GALNT18: variants seen among roughly 807,000 people sequenced by gnomAD.
GALNT18 encodes polypeptide N-acetylgalactosaminyltransferase 18, also known as GalNAc-transferase 18.
GALNT18 carries 44 observed loss-of-function variants against 69.5 expected under a neutral mutation model. That is an observed-to-expected ratio of 0.63 (90% CI 0.50 to 0.81). GALNT18 has a LOEUF of 0.81. Ranked by LOEUF, GALNT18 falls within the 40% of genes least tolerant of loss-of-function variation. The pLI, the probability that GALNT18 is intolerant of heterozygous loss-of-function variation, is 0.00. For missense variants in GALNT18, 715 were observed against 810.0 expected, an observed-to-expected ratio of 0.88 and a Z score of 1.42; for synonymous variants, 364 against 318.2, an observed-to-expected ratio of 1.14 and a Z score of -1.53.
Position 11,340,200 on chromosome 11 carries a change from G to A in GALNT18, c.1278+619C>T, listed in dbSNP as rs1381110257. Among the ~76,000 whole-genome samples the A allele has an allele frequency of 6.6e-6, 1 of 152,192 alleles. No individual in the cohort carries two copies. Among genetic ancestry groups the A allele is most frequent in the Admixed American group, 6.5e-5 (1 of 15,288 alleles). Reference sequence around the variant, plus strand: ...AGGGCTAAACAAAACTACCAGAGAAGCATTGCTTTTCCTCTGGCATTTCTT... The same window carrying A: ...AGGGCTAAACAAAACTACCAGAGAAACATTGCTTTTCCTCTGGCATTTCTT... On this transcript the variant is annotated intron_variant, in intron 7 of 10. Transcript: ENST00000227756. The surrounding 1 kb of genome is among the most constrained non-coding windows in gnomAD (Gnocchi z 4.2).
At chr11:11,434,813 A>AT (rs1855361409) in intron 2 of GALNT18, among the ~76,000 whole-genome samples, 2 of 152,290 alleles carry the variant, frequency 1.3e-5, no homozygotes, top group African/African-American at 2.4e-5. Flanking sequence ...ATCTTTTTCA[A>AT]TTTTTTGGAA....
In GALNT18 at chr11:11,382,691, C is replaced by T. The variant is rs1318741480; in HGVS notation, c.596-3427G>A. 6.6e-6 allele frequency among the ~76,000 whole-genome samples: 1 copy of T among 152,140 alleles called. No homozygotes were observed. Among genetic ancestry groups the T allele is most frequent in the Non-Finnish European group, 1.5e-5 (1 of 68,026 alleles). The stretch of plus-strand genomic sequence containing the variant: ...TTTTGCTGCCCTATCTTTGCTAAAC[C>T]TTTGATTTTCTGGTTCAAATTTAAA... On this transcript the variant is annotated intron_variant, in intron 3 of 10. Transcript: ENST00000227756. The surrounding 1 kb of genome is among the most constrained non-coding windows in gnomAD (Gnocchi z 4.3).
chr11:11,457,739 C>A (rs987805648), intron 1 of GALNT18, among the ~76,000 whole-genome samples: 1 of 152,168 alleles, frequency 6.6e-6, no homozygotes, highest in Non-Finnish European at 1.5e-5. Context: ...ACCACTGGAG[C>A]CTTCTTGTTT....
chr11:11,543,111 T>C lies in GALNT18; in HGVS notation c.235+78248A>G, dbSNP rs1198732961. On this transcript the variant is annotated intron_variant, in intron 1 of 10. Transcript: ENST00000227756. The surrounding 1 kb of genome is among the most constrained non-coding windows in gnomAD (Gnocchi z 5.1). ...TGGAAAGTGCTTGGTCAGTGTTAGT[T>C]ACTATTATTAAGAAGCCGATGCCTT... is the stretch of plus-strand genomic sequence containing the variant. Among the ~76,000 whole-genome samples, 2 of 152,198 alleles carry C rather than the reference T, an allele frequency of 1.3e-5. No homozygotes were observed. Among genetic ancestry groups the C allele is most frequent in the Non-Finnish European group, 2.9e-5 (2 of 68,042 alleles).
At position 11,451,630 on chromosome 11, in the gene GALNT18, C is replaced by T. The variant is rs189449037; in HGVS notation, c.236-2694G>A. ...AGGTCATTTCCTTATCGAATGTTGCCTCTCTTCCTCCTCACTGGTGCAACT... is the reference window on the plus strand; with the variant it reads ...AGGTCATTTCCTTATCGAATGTTGCTTCTCTTCCTCCTCACTGGTGCAACT... On this transcript the variant is annotated intron_variant, in intron 1 of 10. Coordinates refer to ENST00000227756, the MANE Select transcript of GALNT18 (RefSeq NM_198516.3). Among the ~76,000 whole-genome samples, 1,309 of 152,282 alleles carry T rather than the reference C, an allele frequency of 8.6e-3. 6 individuals are homozygous for T. Among genetic ancestry groups the T allele is most frequent in the Non-Finnish European group, 0.012 (784 of 68,030 alleles).
chr11:11,276,129 G>T (rs1255862357), intron 10 of GALNT18, among the ~76,000 whole-genome samples: 1 of 152,150 alleles, frequency 6.6e-6, no homozygotes, highest in Non-Finnish European at 1.5e-5. Flanking sequence ...GGGCAGTATG[G>T]CCATTTTCAT....
rs1489999945 is a variant in GALNT18, at chr11:11,290,090, TGCAGTAATCTGAA to T, written c.1677+2926_1677+2938del. On this transcript the variant is annotated intron_variant, in intron 10 of 10. Transcript: ENST00000227756. ...CAGAGGCCACTGCTCATCCTCCTCC[TGCAGTAATCTGAA>T]GCAGTACTCTTGTCGATTGAGGACT... Among the ~76,000 whole-genome samples the T allele has an allele frequency of 2.4e-4, 36 of 152,192 alleles. No individual in the cohort carries two copies. The East Asian group carries it at 6.8e-3, about 29-fold the overall frequency.
At position 11,332,620 on chromosome 11, in the gene GALNT18, C is replaced by A; in HGVS notation, c.1416+74G>T. On this transcript the variant is annotated intron_variant, in intron 8 of 10. Coordinates refer to ENST00000227756, the MANE Select transcript of GALNT18 (RefSeq NM_198516.3). The surrounding 1 kb of genome is among the most constrained non-coding windows in gnomAD (Gnocchi z 4.3). ...ATGTGAGCAGCTGAGAGGCTCTTTC[C>A]CTCCTCTCCCTTTCTTCACTATGTT... is the stretch of plus-strand genomic sequence containing the variant. The A allele has an allele frequency of 6.5e-7, 1 of 1,539,726 alleles. No individual in the cohort carries two copies. The highest frequency in any genetic ancestry group is 1.1e-5 in the South Asian group (1 of 87,794).
rs1487819938 is a variant in GALNT18, at chr11:11,341,102, G to A, written c.1093-98C>T. 26 of 1,181,908 alleles carry A rather than the reference G, an allele frequency of 2.2e-5. No individual in the cohort carries two copies. Among genetic ancestry groups the A allele is most frequent in the Non-Finnish European group, 2.5e-5 (21 of 841,374 alleles). The allele number at this position is 1,181,908 out of a possible 1,614,324, so 73.2% of individuals were successfully genotyped here. On this transcript the variant is annotated intron_variant, in intron 6 of 10. Coordinates refer to ENST00000227756, the MANE Select transcript of GALNT18 (RefSeq NM_198516.3). The surrounding 1 kb of genome is among the most constrained non-coding windows in gnomAD (Gnocchi z 6.3). Reference sequence around the variant, plus strand: ...CTTGACATGAGCAGGAAGAAAGTCAGCCCCTTCACCTTGACTCCCCAGATC... The same window carrying A: ...CTTGACATGAGCAGGAAGAAAGTCAACCCCTTCACCTTGACTCCCCAGATC...
chr11:11,441,426 C>T (rs1016847501), intron 2 of GALNT18, among the ~76,000 whole-genome samples: 2 of 152,076 alleles, frequency 1.3e-5, no homozygotes. Flanking sequence ...AGGCAAGATC[C>T]CAAACTAGGA....
chr11:11,569,590 T>C (rs553987289), intron 1 of GALNT18, among the ~76,000 whole-genome samples: 26 of 152,306 alleles, frequency 1.7e-4, no homozygotes, highest in Admixed American at 2.6e-4. Context: ...CCATATTCTA[T>C]CATAGGAGAA....
At chr11:11,557,853 A>G (rs1858369444) in intron 1 of GALNT18, among the ~76,000 whole-genome samples, 1 of 152,226 alleles carries the variant, frequency 6.6e-6, no homozygotes, top group African/African-American at 2.4e-5. Context: ...CCTGGTGATC[A>G]CAGCTGGTCC....
intron 2 of GALNT18, among the ~76,000 whole-genome samples, chr11:11,445,963 G>T (rs1395429270): frequency 6.6e-6 from 1 of 152,142 alleles, no homozygotes; most frequent in Admixed American, 6.5e-5. Flanking sequence ...CCTCCCACAG[G>T]TGAGAGTGGG....
chr11:11,527,048 C>A (rs764770938), intron 1 of GALNT18, among the ~76,000 whole-genome samples: 3 of 152,092 alleles, frequency 2.0e-5, no homozygotes, highest in Non-Finnish European at 4.4e-5. Flanking sequence ...TGCATTTCTC[C>A]AGGCCTTGAC....
At chr11:11,440,957 G>T (rs1855520708) in intron 2 of GALNT18, among the ~76,000 whole-genome samples, 1 of 152,216 alleles carries the variant, frequency 6.6e-6, no homozygotes. Flanking sequence ...CCTGGCCTCG[G>T]AAAGTGGGGA....
In GALNT18 at chr11:11,605,254, A is replaced by G. The variant is rs565161166; in HGVS notation, c.235+16105T>C. Among the ~76,000 whole-genome samples, 4 of 152,270 alleles carry G rather than the reference A, an allele frequency of 2.6e-5. No individual in the cohort carries two copies. Among genetic ancestry groups the G allele is most frequent in the African/African-American group, 9.6e-5 (4 of 41,562 alleles). ...GGGTGATTCCCCAGGTGGCCAGCAG[A>G]TAACTTGGAGTTCCAGGCTGCCCAC... On this transcript the variant is annotated intron_variant, in intron 1 of 10. Transcript: ENST00000227756. This position sits in a 1 kb window ranked among gnomAD's most constrained non-coding sequence, Gnocchi z 4.7.
intron 1 of GALNT18, among the ~76,000 whole-genome samples, chr11:11,453,184 G>A (rs1212021759): frequency 6.6e-6 from 1 of 152,138 alleles, no homozygotes; most frequent in Non-Finnish European, 1.5e-5. Flanking sequence ...ATGTGATTAG[G>A]GCAGGTTGGG....
rs114053738 is a variant in GALNT18, at chr11:11,577,161, G to A, written c.235+44198C>T. 5.0e-3 allele frequency among the ~76,000 whole-genome samples: 758 copies of A among 152,282 alleles called. 2 individuals carry two copies. The highest frequency in any genetic ancestry group is 0.017 in the African/African-American group (721 of 41,554). On this transcript the variant is annotated intron_variant, in intron 1 of 10. Coordinates refer to ENST00000227756, the MANE Select transcript of GALNT18 (RefSeq NM_198516.3). Reference sequence around the variant, plus strand: ...TGCAGTGCGGATGAAATGAAATAACGTATGTGCTGCATTCAGCAAGTACCT... The same window carrying A: ...TGCAGTGCGGATGAAATGAAATAACATATGTGCTGCATTCAGCAAGTACCT...
chr11:11,316,453 G>C (rs1006942621), intron 9 of GALNT18, among the ~76,000 whole-genome samples: 1 of 152,142 alleles, frequency 6.6e-6, no homozygotes, highest in East Asian at 1.9e-4. Context: ...GCGGACACTG[G>C]GGCCAATACC....
Sources: allele counts gnomAD v4.1 joint callset (sites outside exome capture counted in the v4.1 genomes callset), GRCh38; gene constraint gnomAD v4.1.1; non-coding constraint Gnocchi (gnomAD v3.1); transcripts MANE v1.5; gene names NCBI Gene and HGNC (gene_info 2026-07-23, HGNC 2026-07-21).